GALNT14: variants seen among roughly 807,000 people sequenced by gnomAD.
The protein encoded by GALNT14 is UDP-GalNAc:polypeptide N-acetylgalactosaminyltransferase 14.
GALNT14 carries 60 observed loss-of-function variants against 77.5 expected under a neutral mutation model. The observed-to-expected ratio is 0.77, with a 90% CI of 0.63 to 0.96. GALNT14 has a LOEUF of 0.96. Among genes scored for constraint, GALNT14 ranks in the 40% least tolerant of loss-of-function variants. GALNT14 has a pLI of 0.00. For synonymous variants in GALNT14, 280 were observed against 281.7 expected (o/e 0.99, Z 0.06); for missense variants, 710 against 731.0 (o/e 0.97, Z 0.33).
At chr2:30,995,707 C>T (rs1669988357) in intron 1 of GALNT14, among the ~76,000 whole-genome samples, 1 of 152,082 alleles carries the variant, frequency 6.6e-6, no homozygotes, top group Admixed American at 6.5e-5. Flanking sequence ...ACTATGTTGC[C>T]TAGGCTGGTC....
chr2:31,048,628 G>GCCTCCCCA (rs1558524689), intron 1 of GALNT14, among the ~76,000 whole-genome samples: 4 of 44,356 alleles, frequency 9.0e-5, no homozygotes, highest in East Asian at 9.2e-4. Context: ...CTGCCTCCCC[G>GCCTCCCCA]CAGCAGCAAT....
chr2:31,003,008 G>A (rs73923348), intron 1 of GALNT14, among the ~76,000 whole-genome samples: 4,832 of 152,288 alleles, frequency 0.032, 237 homozygotes, highest in African/African-American at 0.11. Flanking sequence ...TTTAACTGAT[G>A]TGCAGAAATC....
At chr2:31,044,684 G>T (rs1011022236) in intron 1 of GALNT14, among the ~76,000 whole-genome samples, 8 of 152,128 alleles carry the variant, frequency 5.3e-5, no homozygotes, top group African/African-American at 1.9e-4. Flanking sequence ...TTGGGAGGTC[G>T]AGGTGGGTGG....
chr2:30,907,907 TAC>T (rs1317602777), downstream of GALNT14, among the ~76,000 whole-genome samples: 1 of 115,080 alleles, frequency 8.7e-6, no homozygotes, highest in African/African-American at 3.4e-5. Flanking sequence ...TGGTTCAATA[TAC>T]GCAAATCAAT....
intron 1 of GALNT14, among the ~76,000 whole-genome samples, chr2:31,117,599 G>A (rs1312500952): frequency 6.6e-6 from 1 of 152,138 alleles, no homozygotes. Context: ...TATGACCATA[G>A]GTGTAGAACA....
At chr2:31,006,558 C>G (rs1670685210) in intron 1 of GALNT14, among the ~76,000 whole-genome samples, 2 of 152,254 alleles carry the variant, frequency 1.3e-5, no homozygotes, top group Middle Eastern at 6.8e-3. Context: ...CACGCAGATT[C>G]CATGCACAAC....
Position 31,116,601 on chromosome 2 carries a change from T to G in GALNT14, c.129+21357A>C, listed in dbSNP as rs185389836. Among the ~76,000 whole-genome samples the G allele has an allele frequency of 1.3e-3, 195 of 152,228 alleles. 1 individual carries two copies. The highest frequency in any genetic ancestry group is 2.4e-3 in the Non-Finnish European group (162 of 68,018). ...GCCAAAACTCTTGATAGTAGGAGAT[T>G]TTGATTAAAATAAAATTATAGTGTA... is the stretch of plus-strand genomic sequence containing the variant. On this transcript the variant is annotated intron_variant, in intron 1 of 14. Coordinates refer to ENST00000349752, the MANE Select transcript of GALNT14 (RefSeq NM_024572.4).
chr2:30,995,638 G>A (rs1016192202), intron 1 of GALNT14, among the ~76,000 whole-genome samples: 7 of 152,092 alleles, frequency 4.6e-5, no homozygotes, highest in African/African-American at 1.7e-4. Context: ...GATCACAAGT[G>A]TGCACCACCA....
intron 1 of GALNT14, among the ~76,000 whole-genome samples, chr2:31,024,588 T>A (rs547510273): frequency 1.3e-5 from 2 of 152,318 alleles, no homozygotes; most frequent in African/African-American, 4.8e-5. Context: ...CTTCCAAGAC[T>A]TGTCTGGACC....
rs75529174 is a variant in GALNT14 at position 30,975,538 on chromosome 2, T to C, written c.300-9236A>G. ...TTGATCACATGTCAAAATGTTAGTA[T>C]CTGGATACATTGGAGTAAATCAAAT... On this transcript the variant is annotated intron_variant, in intron 2 of 14. Transcript: ENST00000349752. Among the ~76,000 whole-genome samples, 707 of 152,370 alleles carry C rather than the reference T, an allele frequency of 4.6e-3. 7 individuals carry two copies. Among genetic ancestry groups the C allele is most frequent in the African/African-American group, 0.016 (673 of 41,592 alleles).
intron 1 of GALNT14, among the ~76,000 whole-genome samples, chr2:31,063,837 A>G (rs764601576): frequency 2.6e-5 from 4 of 152,114 alleles, no homozygotes; most frequent in African/African-American, 4.8e-5. Flanking sequence ...ATGGGAGTTC[A>G]CTCATGATTT....
chr2:31,003,344 G>A (rs528693797), intron 1 of GALNT14, among the ~76,000 whole-genome samples: 26 of 152,182 alleles, frequency 1.7e-4, no homozygotes, highest in Admixed American at 7.2e-4. Flanking sequence ...ACATAATTCA[G>A]CAGGGATGAG....
At position 30,932,150 on chromosome 2, in the gene GALNT14, C is replaced by T. The variant is rs139793019; in HGVS notation, c.976G>A (p.Val326Ile). 3.7e-3 allele frequency: 5,753 copies of T among 1,566,258 alleles called. 30 individuals are homozygous for T. The highest frequency in any genetic ancestry group is 4.7e-3 in the Non-Finnish European group (5,377 of 1,156,088). Residue 326 changes from valine to isoleucine, a missense_variant, in exon 10 of 15, where the codon GTC (valine) becomes ATC (isoleucine). Val to Ile is a conservative substitution (Grantham distance 29). Transcript: ENST00000349752. Reference sequence around the variant, plus strand: ...ACGTGCCCCACTCGGCTGCAGGGGACGATCTCTAGGCTGCCCCCGCACATC... The same window carrying T: ...ACGTGCCCCACTCGGCTGCAGGGGATGATCTCTAGGCTGCCCCCGCACATC... ...VWMCGGSLEI[V>I]PCSRVGHVFR... is the part of the protein sequence containing the mutation.
chr2:31,072,282 TACACACACACACACACACACATAC>T (rs1196637545), intron 1 of GALNT14, among the ~76,000 whole-genome samples: 2 of 37,760 alleles, frequency 5.3e-5, no homozygotes, highest in Non-Finnish European at 1.0e-4. Flanking sequence ...CACACACACA[TACACACACACACACACACACATAC>T]ACACACACAC....
intron 1 of GALNT14, among the ~76,000 whole-genome samples, chr2:31,045,146 G>T (rs1323997724): frequency 6.6e-6 from 1 of 152,126 alleles, no homozygotes; most frequent in East Asian, 1.9e-4. Flanking sequence ...GACTACTGAA[G>T]GATATGAGCA....
intron 1 of GALNT14, among the ~76,000 whole-genome samples, chr2:31,134,254 C>A (rs1303071343): frequency 1.3e-5 from 2 of 152,232 alleles, no homozygotes; most frequent in African/African-American, 2.4e-5. Flanking sequence ...TTCCCAACTT[C>A]TCTGAATACA....
intron 1 of GALNT14, among the ~76,000 whole-genome samples, chr2:31,095,710 T>C (rs1045108967): frequency 6.6e-6 from 1 of 152,200 alleles, no homozygotes; most frequent in African/African-American, 2.4e-5. Context: ...GAATATATTA[T>C]ATTCAACAAA....
chr2:31,086,086 G>A (rs1676415215), intron 1 of GALNT14, among the ~76,000 whole-genome samples: 1 of 152,172 alleles, frequency 6.6e-6, no homozygotes, highest in Admixed American at 6.5e-5. Flanking sequence ...GGGGATTATG[G>A]GAGCTACAAT....
At chr2:30,932,540 C>G (rs151272202) in intron 9 of GALNT14, among the ~76,000 whole-genome samples, 1 of 152,310 alleles carries the variant, frequency 6.6e-6, no homozygotes, top group East Asian at 1.9e-4. Context: ...TTCTAACTTG[C>G]GGAAGAATTC....
Sources: gnomAD v4.1 joint callset for allele counts (sites outside exome capture counted in the v4.1 genomes callset) on GRCh38, gnomAD v4.1.1 for gene constraint, MANE v1.5 for transcripts, NCBI Gene and HGNC (gene_info 2026-07-23, HGNC 2026-07-21) for gene names.